Variants in CRISPLD1 observed in about 807,000 individuals in gnomAD.
CRISPLD1 encodes cysteine-rich secretory protein LCCL domain-containing 1.
In CRISPLD1, 60 loss-of-function variants were observed where a neutral mutation model predicts 77.5. The ratio of observed to expected loss-of-function variants is 0.77; its 90% CI spans 0.63 to 0.96. The LOEUF is 0.96. Ranked by LOEUF, CRISPLD1 falls within the 40% of genes least tolerant of loss-of-function variation. CRISPLD1 has a pLI of 0.00. For missense variants in CRISPLD1, 623 were observed against 615.8 expected, an observed-to-expected ratio of 1.01 and a Z score of -0.12; for synonymous variants, 195 against 200.1, an observed-to-expected ratio of 0.97 and a Z score of 0.22.
intron 12 of CRISPLD1, 44 bp downstream of exon 12, chr8:75,020,123 G>A (rs772530816): frequency 1.9e-5 from 28 of 1,495,786 alleles, no homozygotes; most frequent in Non-Finnish European, 2.6e-5. Context: ...TGTGATAACT[G>A]TTTTTGCCTG....
intron 12 of CRISPLD1, among the ~76,000 whole-genome samples, chr8:75,023,215 A>C (rs918104357): frequency 2.6e-5 from 4 of 152,192 alleles, no homozygotes; most frequent in African/African-American, 9.7e-5. Context: ...ATCTAAGTAG[A>C]AACTAACTCA....
intron 12 of CRISPLD1, among the ~76,000 whole-genome samples, chr8:75,024,558 C>T (rs916643654): frequency 6.6e-6 from 1 of 152,152 alleles, no homozygotes; most frequent in Non-Finnish European, 1.5e-5. Context: ...CTCCTGACCT[C>T]AGGCGATCCA....
At chr8:74,989,568 T>C (rs1812543238) in intron 2 of CRISPLD1, among the ~76,000 whole-genome samples, 1 of 152,060 alleles carries the variant, frequency 6.6e-6, no homozygotes, top group South Asian at 2.1e-4. Context: ...GAAAAATGTC[T>C]GTACATGTCC....
At chr8:74,999,589 T>C in intron 2 of CRISPLD1, among the ~76,000 whole-genome samples, 1 of 152,148 alleles carries the variant, frequency 6.6e-6, no homozygotes, top group Non-Finnish European at 1.5e-5. Flanking sequence ...GCCGCTGTTC[T>C]AGCAACCTCA....
rs528636475 is a variant in CRISPLD1, at chr8:74,988,696, A to G, written c.258+2451A>G. ...TAAAAATACAAAAAATTAGCCAAGC[A>G]TGGTGGCATGTGCTGGTAATTCCAG... On this transcript the variant is annotated intron_variant, in intron 2 of 14. Transcript: ENST00000262207. Among the ~76,000 whole-genome samples, 4 of 152,174 alleles carry G rather than the reference A, an allele frequency of 2.6e-5. No individual in the cohort carries two copies. In the East Asian group the frequency reaches 5.8e-4, roughly 22 times the overall value.
chr8:75,003,873 C>G (rs1293013541), intron 2 of CRISPLD1, among the ~76,000 whole-genome samples: 1 of 151,978 alleles, frequency 6.6e-6, no homozygotes, highest in Non-Finnish European at 1.5e-5. Context: ...GCTTTGCTAT[C>G]CCACAAAGAC....
In CRISPLD1 at chr8:75,025,549, A is replaced by G. The variant is rs1413484852; in HGVS notation, c.1248A>G (p.Val416=). Residue 416 remains valine, a synonymous_variant, in exon 13 of 15, where the codon GTA becomes GTG. Coordinates refer to ENST00000262207, the MANE Select transcript of CRISPLD1 (RefSeq NM_031461.6). ...FHKPASHCPR[V]YCPRNCMQAN... ...TATAATATATTATTTTTTTCAGAGT[A>G]TACTGTCCTCGTAACTGTATGCAAG... The G allele has an allele frequency of 2.6e-6, 4 of 1,512,478 alleles. No homozygotes were observed. The South Asian group carries it at 4.7e-5, about 18-fold the overall frequency. The allele number at this position is 1,512,478 out of a possible 1,614,324, so 93.7% of individuals were successfully genotyped here.
intron 2 of CRISPLD1, among the ~76,000 whole-genome samples, chr8:74,996,243 ATATT>A (rs1224418301): frequency 6.6e-6 from 1 of 151,520 alleles, no homozygotes; most frequent in Non-Finnish European, 1.5e-5. Context: ...ACTTTCCTAA[ATATT>A]TGTTGCCTTC....
chr8:75,020,673 T>C (rs1035592708), intron 12 of CRISPLD1, among the ~76,000 whole-genome samples: 2 of 152,190 alleles, frequency 1.3e-5, no homozygotes, highest in African/African-American at 4.8e-5. Context: ...GACTTCAACA[T>C]ATGAACTTTG....
chr8:74,990,436 A>G (rs1202002617), intron 2 of CRISPLD1, among the ~76,000 whole-genome samples: 1 of 152,082 alleles, frequency 6.6e-6, no homozygotes, highest in East Asian at 1.9e-4. Context: ...TATTTCCCAC[A>G]CATCTCTGAA....
intron 2 of CRISPLD1, among the ~76,000 whole-genome samples, chr8:75,006,996 ATATT>A (rs1258839728): frequency 5.3e-5 from 8 of 152,154 alleles, no homozygotes; most frequent in African/African-American, 1.9e-4. Flanking sequence ...TTAATGTTTG[ATATT>A]TATTTGAAAA....
chr8:75,025,437 G>T lies in CRISPLD1; in HGVS notation c.1245-109G>T, dbSNP rs930316392. 9.0e-6 allele frequency: 3 copies of T among 334,592 alleles called. No homozygotes were observed. The Admixed American group carries it at 1.4e-4, about 16-fold the overall frequency. 20.7% of individuals were successfully genotyped at this position (334,592 alleles called of 1,614,324 possible). ...TATTTCAGGAGAAAAAATGAGTAGGGTTTAGAATGTTGAGCTTACTTTGTG... is the reference window on the plus strand; with the variant it reads ...TATTTCAGGAGAAAAAATGAGTAGGTTTTAGAATGTTGAGCTTACTTTGTG... On this transcript the variant is annotated intron_variant, in intron 12 of 14. Coordinates refer to ENST00000262207, the MANE Select transcript of CRISPLD1 (RefSeq NM_031461.6).
chr8:74,993,557 A>G lies in CRISPLD1; in HGVS notation c.258+7312A>G, dbSNP rs1024580966. Among the ~76,000 whole-genome samples, 19 of 152,334 alleles carry G rather than the reference A, an allele frequency of 1.2e-4. 1 individual carries two copies. The highest frequency in any genetic ancestry group is 3.8e-4 in the African/African-American group (16 of 41,580). Reference sequence around the variant, plus strand: ...CAAAACCTTAATTTGAATATTTTTAAGACTTCGACCTTTAAAGTGAATGTA... The same window carrying G: ...CAAAACCTTAATTTGAATATTTTTAGGACTTCGACCTTTAAAGTGAATGTA... On this transcript the variant is annotated intron_variant, in intron 2 of 14. Coordinates refer to ENST00000262207, the MANE Select transcript of CRISPLD1 (RefSeq NM_031461.6).
intron 14 of CRISPLD1, among the ~76,000 whole-genome samples, chr8:75,031,276 C>T (rs1316061894): frequency 6.6e-6 from 1 of 151,972 alleles, no homozygotes; most frequent in African/African-American, 2.4e-5. Context: ...ATATATAAAA[C>T]ATAGTTCACT....
intron 13 of CRISPLD1, among the ~76,000 whole-genome samples, chr8:75,027,267 A>G (rs773917762): frequency 6.6e-6 from 1 of 152,252 alleles, no homozygotes; most frequent in Non-Finnish European, 1.5e-5. Flanking sequence ...AACAGGGCTT[A>G]GAGCACATAG....
In CRISPLD1 at chr8:74,986,003, C is replaced by T. The variant is rs541154941; in HGVS notation, c.16C>T (p.Arg6Trp). ...GTCATTCATTATGAAGTGTACCGCG[C>T]GGGAGTGGCTCAGAGTAACCACAGT... The part of the protein sequence containing the change: MKCTA[R>W]EWLRVTTVLF... The change falls in exon 2 of 15, where the codon CGG becomes TGG. Residue 6 changes from arginine (R) to tryptophan (W), a missense_variant. Arg to Trp is a moderately radical substitution (Grantham distance 101). Transcript: ENST00000262207. 10 of 1,613,892 alleles carry T rather than the reference C, an allele frequency of 6.2e-6. No individual in the cohort carries two copies. In the African/African-American group the frequency reaches 6.7e-5, roughly 11 times the overall value.
chr8:75,002,273 A>G (rs181415453), intron 2 of CRISPLD1, among the ~76,000 whole-genome samples: 11 of 150,602 alleles, frequency 7.3e-5, no homozygotes, highest in East Asian at 3.9e-4. Context: ...AATACCAGCA[A>G]TGTTCCCAAT....
Position 75,025,530 on chromosome 8 carries a change from ATAT to A in CRISPLD1, c.1245-11_1245-9del, listed in dbSNP as rs774672857. 1.6e-6 allele frequency: 2 copies of A among 1,267,080 alleles called. No homozygotes were observed. Among genetic ancestry groups the A allele is most frequent in the South Asian group, 2.9e-5 (2 of 68,324 alleles). The allele number at this position is 1,267,080 out of a possible 1,614,324, so 78.5% of individuals were successfully genotyped here. A position where few individuals can be genotyped will look rare whatever the true frequency, so the allele number is the denominator to read the frequency against. ...CCAGCTTACTTAATATATATATAAT[ATAT>A]TATTTTTTTCAGAGTATACTGTCCT... On this transcript the variant is annotated splice_polypyrimidine_tract_variant and intron_variant, in intron 12 of 14. Transcript: ENST00000262207.
chr8:75,015,331 T>C (rs960445010), intron 6 of CRISPLD1, among the ~76,000 whole-genome samples: 1 of 152,174 alleles, frequency 6.6e-6, no homozygotes, highest in African/African-American at 2.4e-5. Flanking sequence ...TATTGAACCA[T>C]GCTCAATGAA....
Sources: gnomAD v4.1 joint callset for allele counts (sites outside exome capture counted in the v4.1 genomes callset) on GRCh38, gnomAD v4.1.1 for gene constraint, MANE v1.5 for transcripts, NCBI Gene and HGNC (gene_info 2026-07-23, HGNC 2026-07-21) for gene names.